Variants in CCDC91 observed in about 807,000 individuals in gnomAD.
CCDC91 encodes the protein coiled-coil domain-containing protein 91.
In CCDC91, 48 loss-of-function variants were observed where a neutral mutation model predicts 63.2. That is an observed-to-expected ratio of 0.76 (90% CI 0.60 to 0.97). The LOEUF (loss-of-function observed/expected upper bound fraction) is 0.97. Among genes scored for constraint, CCDC91 ranks in the 50% least tolerant of loss-of-function variants. CCDC91 has a pLI of 0.00. For missense variants in CCDC91, 500 were observed against 494.6 expected (o/e 1.01, Z -0.10); for synonymous variants, 167 against 165.8 (o/e 1.01, Z -0.06).
chr12:28,334,166 G>A (rs1179058084), intron 6 of CCDC91, among the ~76,000 whole-genome samples: 1 of 152,006 alleles, frequency 6.6e-6, no homozygotes, highest in East Asian at 1.9e-4. Context: ...TGAGGAATGT[G>A]AGGCGCTATA....
At chr12:28,490,670 A>T (rs140093026) in intron 12 of CCDC91, among the ~76,000 whole-genome samples, 118 of 151,998 alleles carry the variant, frequency 7.8e-4, no homozygotes, top group African/African-American at 2.7e-3. Context: ...TAAAGGTTTT[A>T]TAGTTGTTTA....
At chr12:28,506,500 C>G (rs1356583104) in intron 12 of CCDC91, among the ~76,000 whole-genome samples, 1 of 151,888 alleles carries the variant, frequency 6.6e-6, no homozygotes, top group African/African-American at 2.4e-5. Context: ...AATTAATTCC[C>G]CAATGGAATT....
At chr12:28,452,364 A>G (rs566626287) in intron 10 of CCDC91, 114 bp from the exon 11 acceptor site, 1 of 603,242 alleles carries the variant, frequency 1.7e-6, no homozygotes, top group African/African-American at 1.9e-5. Context: ...CAGCAATGTT[A>G]GAACTAAACA....
intron 7 of CCDC91, among the ~76,000 whole-genome samples, chr12:28,385,726 G>A (rs1167553435): frequency 6.6e-6 from 1 of 152,092 alleles, no homozygotes; most frequent in Non-Finnish European, 1.5e-5. Context: ...CTGCAAATCT[G>A]GACAATCATT....
chr12:28,480,036 G>A (rs146870691), intron 11 of CCDC91, among the ~76,000 whole-genome samples: 257 of 151,964 alleles, frequency 1.7e-3, no homozygotes, highest in African/African-American at 5.9e-3. Context: ...AAGCCTTCAG[G>A]GTCCCCACTA....
chr12:28,487,437 G>A (rs1486169942), intron 12 of CCDC91, among the ~76,000 whole-genome samples: 1 of 151,558 alleles, frequency 6.6e-6, no homozygotes, highest in East Asian at 1.9e-4. Context: ...CTTGGGGTTT[G>A]GAAAATTTTC....
intron 1 of CCDC91, among the ~76,000 whole-genome samples, chr12:28,206,327 A>G (rs1942849347): frequency 6.6e-6 from 1 of 152,216 alleles, no homozygotes; most frequent in African/African-American, 2.4e-5. Flanking sequence ...TTGGGTTTCC[A>G]GTCTCAGCAT....
chr12:28,533,841 T>C (rs1462231919), intron 12 of CCDC91, among the ~76,000 whole-genome samples: 1 of 151,970 alleles, frequency 6.6e-6, no homozygotes, highest in African/African-American at 2.4e-5. Flanking sequence ...TTCCATAGCC[T>C]TTCCACTAAC....
At chr12:28,293,881 C>A (rs533978697) in intron 3 of CCDC91, among the ~76,000 whole-genome samples, 1 of 152,130 alleles carries the variant, frequency 6.6e-6, no homozygotes, top group South Asian at 2.1e-4. Context: ...TGCTCACCTC[C>A]TTGTCTGCAG....
At chr12:28,295,892 G>A (rs1489021405) in intron 3 of CCDC91, among the ~76,000 whole-genome samples, 1 of 151,878 alleles carries the variant, frequency 6.6e-6, no homozygotes, top group Non-Finnish European at 1.5e-5. Flanking sequence ...TTAGAATTTT[G>A]TTCACTCAGT....
chr12:28,213,182 A>G (rs1592000987), intron 1 of CCDC91, among the ~76,000 whole-genome samples: 1 of 152,168 alleles, frequency 6.6e-6, no homozygotes, highest in Admixed American at 6.5e-5. Context: ...AGGGGAATTA[A>G]TTCTGCATTG....
At chr12:28,394,732 C>CTCTCTCTCTCTCTCTCTCTCTCTCTCA (rs371886485) in intron 8 of CCDC91, among the ~76,000 whole-genome samples, 1 of 151,450 alleles carries the variant, frequency 6.6e-6, no homozygotes, top group Non-Finnish European at 1.5e-5. Context: ...CTCTCTCTCT[C>CTCTCTCTCTCTCTCTCTCTCTCTCTCA]CCCCTTTTTC....
chr12:28,512,221 T>C (rs1488672503), intron 12 of CCDC91, among the ~76,000 whole-genome samples: 1 of 151,866 alleles, frequency 6.6e-6, no homozygotes, highest in Admixed American at 6.6e-5. Context: ...AAAAGTACCA[T>C]GCCAAGCACC....
At chr12:28,485,138 A>G (rs1421836277) in intron 12 of CCDC91, among the ~76,000 whole-genome samples, 1 of 151,338 alleles carries the variant, frequency 6.6e-6, no homozygotes, top group East Asian at 1.9e-4. Flanking sequence ...AGCTCATGAC[A>G]CTACTTTAGT....
intron 11 of CCDC91, among the ~76,000 whole-genome samples, chr12:28,464,992 A>G (rs1039928249): frequency 6.6e-6 from 1 of 152,156 alleles, no homozygotes; most frequent in African/African-American, 2.4e-5. Flanking sequence ...CCCAGGCAGC[A>G]TATGCTACAA....
intron 11 of CCDC91, among the ~76,000 whole-genome samples, chr12:28,466,346 C>T (rs1819020): frequency 0.016 from 2,447 of 152,144 alleles, 26 homozygotes; most frequent in South Asian, 0.029. Context: ...ATATCAGTAT[C>T]CAAGCCCAAA....
At chr12:28,319,811 TA>T in intron 6 of CCDC91, among the ~76,000 whole-genome samples, 1 of 151,820 alleles carries the variant, frequency 6.6e-6, no homozygotes, top group Non-Finnish European at 1.5e-5. Context: ...TACAATATAA[TA>T]ATAAGAAGAG....
At chr12:28,344,252 C>G (rs1314557333) in intron 6 of CCDC91, among the ~76,000 whole-genome samples, 1 of 152,030 alleles carries the variant, frequency 6.6e-6, no homozygotes, top group Non-Finnish European at 1.5e-5. Flanking sequence ...CATTGCTTGA[C>G]TAGTTTTATA....
intron 12 of CCDC91, among the ~76,000 whole-genome samples, chr12:28,538,119 GT>G (rs34667403): frequency 0.33 from 48,153 of 147,704 alleles, 7,893 homozygotes; most frequent in Middle Eastern, 0.43. Context: ...TATTTTTAGG[GT>G]TTTTTTTTAA....
Sources: gnomAD v4.1 joint callset for allele counts (sites outside exome capture counted in the v4.1 genomes callset) on GRCh38, gnomAD v4.1.1 for gene constraint, MANE v1.5 for transcripts, NCBI Gene and HGNC (gene_info 2026-07-23, HGNC 2026-07-21) for gene names.